Variants in FOXP1 observed in about 807,000 individuals in gnomAD.
FOXP1 encodes forkhead box P1.
FOXP1 carries 15 observed loss-of-function variants against 98.2 expected under a neutral mutation model. That is an observed-to-expected ratio of 0.15 (90% CI 0.10 to 0.24). FOXP1 has a LOEUF of 0.24. Among genes scored for constraint, FOXP1 ranks in the 10% least tolerant of loss-of-function variants. The pLI, the probability that FOXP1 is intolerant of heterozygous loss-of-function variation, is 1.00. For synonymous variants in FOXP1, 371 were observed against 314.5 expected, an observed-to-expected ratio of 1.18 and a Z score of -1.90; for missense variants, 633 against 848.5, an observed-to-expected ratio of 0.75 and a Z score of 3.15.
chr3:70,979,481 A>T (rs1366641919), intron 14 of FOXP1, among the ~76,000 whole-genome samples: 1 of 152,064 alleles, frequency 6.6e-6, no homozygotes, highest in African/African-American at 2.4e-5. Flanking sequence ...GGTTGTTTTC[A>T]GCGTATGTAT....
intron 5 of FOXP1, among the ~76,000 whole-genome samples, chr3:71,267,369 C>G (rs1340513605): frequency 6.6e-6 from 1 of 151,896 alleles, no homozygotes; most frequent in Non-Finnish European, 1.5e-5. Flanking sequence ...GGAAAGAAAT[C>G]TAAAAGAAAG....
intron 7 of FOXP1, among the ~76,000 whole-genome samples, chr3:71,088,396 T>TTG (rs370833457): frequency 0.19 from 27,364 of 147,212 alleles, 3,223 homozygotes; most frequent in East Asian, 0.47. Context: ...TTGTTTTGTT[T>TTG]TTTGTTTTTT....
At chr3:71,056,989 C>T (rs1474034944) in intron 7 of FOXP1, among the ~76,000 whole-genome samples, 2 of 152,158 alleles carry the variant, frequency 1.3e-5, no homozygotes, top group African/African-American at 2.4e-5. Flanking sequence ...ACAGCCCACA[C>T]TTTATTGCCC....
chr3:70,955,830 G>GCACACACACACACA lies in FOXP1; in HGVS notation c.*3416_*3417insTGTGTGTGTGTGTG, dbSNP rs886058826. 2 of 205,752 alleles carry GCACACACACACACA rather than the reference G, an allele frequency of 9.7e-6. No individual in the cohort carries two copies. Among genetic ancestry groups the GCACACACACACACA allele is most frequent in the East Asian group, 7.0e-5 (1 of 14,236 alleles). 12.7% of individuals were successfully genotyped at this position (205,752 alleles called of 1,614,324 possible). On this transcript the variant is annotated 3_prime_UTR_variant, in exon 21 of 21. Transcript: ENST00000649528. ...AAAACAGATTAACACACACGCACGC[G>GCACACACACACACA]CGCACACACACACACACACACACAC... is the stretch of plus-strand genomic sequence containing the variant.
intron 7 of FOXP1, among the ~76,000 whole-genome samples, chr3:71,066,283 ACTCTGG>A (rs747623937): frequency 5.6e-4 from 85 of 152,098 alleles, no homozygotes; most frequent in Admixed American, 9.8e-4. Flanking sequence ...TTCCCTCTTT[ACTCTGG>A]CTGTAAAAGA....
chr3:71,556,918 A>G (rs1305877823), intron 2 of FOXP1, among the ~76,000 whole-genome samples: 2 of 152,204 alleles, frequency 1.3e-5, no homozygotes, highest in Non-Finnish European at 2.9e-5. Context: ...AAAGATTAAA[A>G]TCATGGTCCA....
At chr3:71,171,455 C>G (rs2108218971) in intron 6 of FOXP1, among the ~76,000 whole-genome samples, 1 of 152,284 alleles carries the variant, frequency 6.6e-6, no homozygotes, top group South Asian at 2.1e-4. Flanking sequence ...CGTAAACAGG[C>G]ATTTTTCCTC....
chr3:71,346,695 T>C (rs1236539330), intron 4 of FOXP1, among the ~76,000 whole-genome samples: 1 of 152,148 alleles, frequency 6.6e-6, no homozygotes, highest in African/African-American at 2.4e-5. Flanking sequence ...TCAGTTCTTA[T>C]CTCATTCCTT....
At chr3:71,158,317 A>G (rs2060952505) in intron 6 of FOXP1, among the ~76,000 whole-genome samples, 2 of 152,146 alleles carry the variant, frequency 1.3e-5, no homozygotes, top group South Asian at 4.1e-4. Context: ...GCAGAGCCTG[A>G]GCTTGTTAGA....
At chr3:71,251,987 C>T (rs1024542298) in intron 5 of FOXP1, among the ~76,000 whole-genome samples, 1 of 152,126 alleles carries the variant, frequency 6.6e-6, no homozygotes, top group African/African-American at 2.4e-5. Flanking sequence ...ATGAGATGCT[C>T]CCCCTTCCCA....
At chr3:71,067,246 G>A (rs150818596) in intron 7 of FOXP1, among the ~76,000 whole-genome samples, 1 of 152,322 alleles carries the variant, frequency 6.6e-6, no homozygotes, top group East Asian at 1.9e-4. Context: ...TGTCCCATCA[G>A]TGATAAACCT....
chr3:71,010,192 T>C (rs916384874), intron 12 of FOXP1, among the ~76,000 whole-genome samples: 16 of 152,180 alleles, frequency 1.1e-4, no homozygotes, highest in African/African-American at 3.6e-4. Context: ...AGTCAGGCTT[T>C]CTCCAAAACT....
At chr3:71,555,306 G>A (rs1013013376) in intron 2 of FOXP1, among the ~76,000 whole-genome samples, 5 of 152,082 alleles carry the variant, frequency 3.3e-5, no homozygotes, top group Non-Finnish European at 7.4e-5. Flanking sequence ...TTACACCAGA[G>A]CACACATTCC....
At chr3:71,180,529 G>A (rs2062228562) in intron 6 of FOXP1, among the ~76,000 whole-genome samples, 1 of 152,080 alleles carries the variant, frequency 6.6e-6, no homozygotes, top group South Asian at 2.1e-4. Flanking sequence ...AATCTGGCTG[G>A]CAGTGTCCTT....
At chr3:71,317,761 C>T (rs1296245996) in intron 4 of FOXP1, among the ~76,000 whole-genome samples, 1 of 151,850 alleles carries the variant, frequency 6.6e-6, no homozygotes, top group Admixed American at 6.6e-5. Flanking sequence ...TCTTAAGTGT[C>T]TGAGTATAAC....
At chr3:71,240,104 AAT>A (rs1421338343) in intron 5 of FOXP1, among the ~76,000 whole-genome samples, 2 of 152,242 alleles carry the variant, frequency 1.3e-5, no homozygotes, top group East Asian at 3.8e-4. Context: ...ATTTTATTTT[AAT>A]ACTTTTTTCC....
chr3:71,465,489 G>C lies in FOXP1; in HGVS notation c.-168+27937C>G, dbSNP rs1286755213. Among the ~76,000 whole-genome samples, 5 of 152,224 alleles carry C rather than the reference G, an allele frequency of 3.3e-5. No homozygotes were observed. In the East Asian group the frequency reaches 9.7e-4, roughly 29 times the overall value. ...CTTAAGATGGAACAGCCAGGACGTG[G>C]TCTAACCTAAGCCGTCTAACTCCCT... On this transcript the variant is annotated intron_variant, in intron 3 of 20. Coordinates refer to ENST00000649528, the MANE Select transcript of FOXP1 (RefSeq NM_001349338.3).
intron 5 of FOXP1, among the ~76,000 whole-genome samples, chr3:71,259,422 A>G (rs1379738152): frequency 6.6e-6 from 1 of 152,252 alleles, no homozygotes; most frequent in Non-Finnish European, 1.5e-5. Flanking sequence ...GAACTGGCAC[A>G]TACAAAGTGT....
intron 7 of FOXP1, among the ~76,000 whole-genome samples, chr3:71,090,380 C>T (rs1215772405): frequency 6.6e-6 from 1 of 152,040 alleles, no homozygotes; most frequent in African/African-American, 2.4e-5. Context: ...TGTGATAATA[C>T]AGAAGTGAAA....
Sources: gnomAD v4.1 joint callset for allele counts (sites outside exome capture counted in the v4.1 genomes callset) on GRCh38, gnomAD v4.1.1 for gene constraint, MANE v1.5 for transcripts, NCBI Gene and HGNC (gene_info 2026-07-23, HGNC 2026-07-21) for gene names.